ERICH1: variants seen among roughly 807,000 people sequenced by gnomAD.
ERICH1 encodes glutamate-rich protein 1.
A neutral mutation model predicts 39.6 loss-of-function variants in ERICH1; 56 were observed. The observed-to-expected ratio is 1.41, with a 90% CI of 1.14 to 1.77. The LOEUF (loss-of-function observed/expected upper bound fraction) is 1.77. Among genes scored for constraint, ERICH1 ranks in the 40% most tolerant of loss-of-function variants. ERICH1 has a pLI of 0.00. For missense variants in ERICH1, 826 were observed against 575.4 expected (o/e 1.44, Z -4.45); for synonymous variants, 313 against 223.6 (o/e 1.40, Z -3.57).
intron 3 of ERICH1, among the ~76,000 whole-genome samples, chr8:627,898 C>A (rs1044967188): frequency 7.2e-5 from 11 of 152,182 alleles, no homozygotes; most frequent in African/African-American, 2.7e-4. Context: ...GCTGCCTCCC[C>A]TAGTCCCCTC....
chr8:715,218 T>C (rs1563337173), intron 2 of ERICH1, among the ~76,000 whole-genome samples: 1 of 152,062 alleles, frequency 6.6e-6, no homozygotes. Flanking sequence ...TCTTCTCGTG[T>C]CTCTCAGTAG....
At chr8:690,236 C>G (rs62484174) in intron 3 of ERICH1, among the ~76,000 whole-genome samples, 2,751 of 152,274 alleles carry the variant, frequency 0.018, 32 homozygotes, top group Middle Eastern at 0.034. Flanking sequence ...AGCTGTGAGC[C>G]CAAAAGCACC....
At chr8:720,932 C>T (rs960528656) in intron 1 of ERICH1, among the ~76,000 whole-genome samples, 1 of 152,166 alleles carries the variant, frequency 6.6e-6, no homozygotes, top group African/African-American at 2.4e-5. Flanking sequence ...AAAAGACGAG[C>T]ACGTCCCGCA....
intron 3 of ERICH1, among the ~76,000 whole-genome samples, chr8:679,027 C>T (rs960668440): frequency 1.3e-5 from 2 of 150,784 alleles, no homozygotes; most frequent in Non-Finnish European, 3.0e-5. Flanking sequence ...GCAAGTGACC[C>T]CTTACAGCTC....
intron 3 of ERICH1, among the ~76,000 whole-genome samples, chr8:657,727 G>A (rs946968667): frequency 1.3e-5 from 2 of 151,868 alleles, no homozygotes; most frequent in African/African-American, 2.4e-5. Context: ...GTGGAGATTA[G>A]AATGATATAA....
chr8:615,482 G>T, intron 3 of ERICH1: 1 of 469,814 alleles, frequency 2.1e-6, no homozygotes, highest in South Asian at 4.3e-5. Context: ...TCATCTCTAC[G>T]AGGCCTGGGT....
chr8:620,443 G>T (rs531377581), intron 3 of ERICH1, among the ~76,000 whole-genome samples: 2 of 152,338 alleles, frequency 1.3e-5, no homozygotes, highest in South Asian at 4.1e-4. Flanking sequence ...TCATCAGACT[G>T]AATAAAGGGA....
intron 3 of ERICH1, among the ~76,000 whole-genome samples, chr8:623,725 T>C (rs963270009): frequency 2.3e-4 from 35 of 152,140 alleles, no homozygotes; most frequent in African/African-American, 8.0e-4. Context: ...ACCCCTTTCT[T>C]GCACTACACT....
chr8:692,701 T>A, intron 2 of ERICH1, 89 bp from the exon 3 acceptor site: 1 of 1,370,824 alleles, frequency 7.3e-7, no homozygotes, highest in Non-Finnish European at 9.7e-7. Context: ...ATTGTTTCTC[T>A]AAATTCATTC....
intron 3 of ERICH1, chr8:625,549 T>C (rs556685989): frequency 3.9e-5 from 6 of 152,356 alleles, no homozygotes; most frequent in African/African-American, 1.2e-4. Context: ...ACATTCATCG[T>C]AGTGAGGATT....
intron 2 of ERICH1, among the ~76,000 whole-genome samples, chr8:704,821 G>A (rs1322265725): frequency 6.6e-6 from 1 of 152,156 alleles, no homozygotes; most frequent in Admixed American, 6.5e-5. Context: ...CTGAAAGGGG[G>A]GGTGGTTTTA....
chr8:720,996 A>G (rs1422461208), intron 1 of ERICH1, among the ~76,000 whole-genome samples: 1 of 152,220 alleles, frequency 6.6e-6, no homozygotes, highest in African/African-American at 2.4e-5. Flanking sequence ...ATATTGGCAA[A>G]GGCTGGTTTT....
intron 1 of ERICH1, among the ~76,000 whole-genome samples, chr8:726,265 ACACAC>A (rs1818621941): frequency 6.6e-6 from 1 of 152,218 alleles, no homozygotes; most frequent in African/African-American, 2.4e-5. Flanking sequence ...TGGGAGATGC[ACACAC>A]CACACAAGGA....
chr8:701,001 G>C (rs557303026), intron 2 of ERICH1, among the ~76,000 whole-genome samples: 1 of 152,274 alleles, frequency 6.6e-6, no homozygotes, highest in African/African-American at 2.4e-5. Context: ...ACCACGCTGC[G>C]TGCAGCATCA....
At chr8:643,089 G>C (rs965947634) in intron 3 of ERICH1, among the ~76,000 whole-genome samples, 3 of 152,156 alleles carry the variant, frequency 2.0e-5, no homozygotes, top group African/African-American at 4.8e-5. Context: ...CCAGGACATC[G>C]GGTGCCCTTC....
intron 2 of ERICH1, among the ~76,000 whole-genome samples, chr8:705,546 G>A (rs564341298): frequency 1.4e-4 from 22 of 152,236 alleles, no homozygotes; most frequent in Admixed American, 2.6e-4. Flanking sequence ...TAAAGGCCAC[G>A]TATGAAACCC....
At chr8:703,804 G>A (rs1233654196) in intron 2 of ERICH1, among the ~76,000 whole-genome samples, 2 of 152,218 alleles carry the variant, frequency 1.3e-5, no homozygotes, top group Non-Finnish European at 1.5e-5. Flanking sequence ...GGGATCTATT[G>A]GGAGACTCAA....
chr8:691,566 G>A (rs1031895253), intron 3 of ERICH1, among the ~76,000 whole-genome samples: 2 of 152,192 alleles, frequency 1.3e-5, no homozygotes, highest in Non-Finnish European at 1.5e-5. Context: ...TCACCCAGAG[G>A]AATTTATCTT....
In ERICH1 at chr8:692,545, G is replaced by C. The variant is rs758559622; in HGVS notation, c.237C>G (p.Val79=). The change falls in exon 3 of 6, where the codon GTC becomes GTG. Residue 79 remains valine, a synonymous_variant. Transcript: ENST00000262109. ...AGCTGCTGGGCTCCGGCCAACAGGG[G>C]ACGTAGCCCTCAGGAGGCCCGCTGG... ...YTASGPPEGY[V]PCWPEPSSCG... is the part of the protein sequence containing the mutation. 5.0e-6 allele frequency: 8 copies of C among 1,613,624 alleles called. No homozygotes were observed. The East Asian group carries it at 1.8e-4, about 36-fold the overall frequency.
Sources: gnomAD v4.1 joint callset for allele counts (sites outside exome capture counted in the v4.1 genomes callset) on GRCh38, gnomAD v4.1.1 for gene constraint, MANE v1.5 for transcripts, NCBI Gene and HGNC (gene_info 2026-07-23, HGNC 2026-07-21) for gene names.